The following JAG1 variants were observed in gnomAD, a reference collection of about 807,000 sequenced individuals.
JAG1 encodes jagged canonical Notch ligand 1, also known as protein jagged-1.
A neutral mutation model predicts 148.7 loss-of-function variants in JAG1; 23 were observed. The observed-to-expected ratio is 0.15, with a 90% CI of 0.11 to 0.22. JAG1 has a LOEUF of 0.22. Ranked by LOEUF, JAG1 falls within the 10% of genes least tolerant of loss-of-function variation. The probability of loss-of-function intolerance (pLI) is 1.00; values close to 1 mark genes in which losing one functional copy is unlikely to be tolerated. For missense variants in JAG1, 1,054 were observed against 1,611.2 expected, an observed-to-expected ratio of 0.65 and a Z score of 5.92; for synonymous variants, 572 against 598.3, an observed-to-expected ratio of 0.96 and a Z score of 0.64.
In JAG1 at chr20:10,673,724, A is replaced by T. The variant is rs2067515526; in HGVS notation, c.-194T>A. 1 of 257,770 alleles carries T rather than the reference A, an allele frequency of 3.9e-6. No individual in the cohort carries two copies. The highest frequency in any genetic ancestry group is 1.7e-4 in the South Asian group (1 of 5,802). The allele number at this position is 257,770 out of a possible 1,614,324, so 16.0% of individuals were successfully genotyped here. Reference sequence around the variant, plus strand: ...CCTTTCAAGAGCGGCCCGTTCCAGAAGGCAAAGAGCCCGGCCTCCTTTTAT... The same window carrying T: ...CCTTTCAAGAGCGGCCCGTTCCAGATGGCAAAGAGCCCGGCCTCCTTTTAT... On this transcript the variant is annotated 5_prime_UTR_variant, in exon 1 of 26. Transcript: ENST00000254958. The surrounding 1 kb of genome is among the most constrained non-coding windows in gnomAD (Gnocchi z 4.7).
chr20:10,648,804 G>C (rs45498692), intron 11 of JAG1, 82 bp from the exon 12 acceptor site: 10 of 1,368,582 alleles, frequency 7.3e-6, no homozygotes, highest in Non-Finnish European at 1.0e-5. Context: ...GGTTTAGCAT[G>C]ACTGTTGCGG....
chr20:10,662,526 G>C (rs1309091352), intron 3 of JAG1: 1 of 152,422 alleles, frequency 6.6e-6, no homozygotes, highest in Non-Finnish European at 1.5e-5. Flanking sequence ...GGAGGGGAAA[G>C]AACACCATGT....
At chr20:10,671,679 A>C (rs2067495883) in intron 2 of JAG1, among the ~76,000 whole-genome samples, 1 of 152,044 alleles carries the variant, frequency 6.6e-6, no homozygotes, top group Admixed American at 6.5e-5. Flanking sequence ...GCAATGAGTC[A>C]TGCCTCCTGG....
chr20:10,664,034 T>A lies in JAG1; in HGVS notation c.388-20A>T. 6.2e-7 allele frequency: 1 copy of A among 1,610,960 alleles called. No individual in the cohort carries two copies. Among genetic ancestry groups the A allele is most frequent in the Admixed American group, 1.7e-5 (1 of 60,008 alleles). On this transcript the variant is annotated intron_variant, in intron 2 of 25. Coordinates refer to ENST00000254958, the MANE Select transcript of JAG1 (RefSeq NM_000214.3). The stretch of plus-strand genomic sequence containing the variant: ...GGACCTCTGCAAGACAAACAAACAA[T>A]TTAGCAATTCAGAAACAGGGTCGAC...
chr20:10,648,836 G>T, intron 11 of JAG1, 114 bp from the exon 12 acceptor site: 1 of 1,087,610 alleles, frequency 9.2e-7, no homozygotes, highest in Non-Finnish European at 1.4e-6. Context: ...CACTGAAATA[G>T]CCAAATGCTA....
intron 5 of JAG1, chr20:10,652,844 T>C: frequency 2.3e-6 from 1 of 425,562 alleles, no homozygotes; most frequent in Admixed American, 3.5e-5. Flanking sequence ...GGGGATGCCC[T>C]TCACAAAGCC....
chr20:10,639,625 G>A lies in JAG1; in HGVS notation c.3530C>T (p.Thr1177Met), dbSNP rs533237399. Residue 1177 changes from threonine to methionine, a missense_variant, in exon 26 of 26, where the codon ACG (threonine) becomes ATG (methionine). Thr to Met is a moderately conservative substitution (Grantham distance 81). This residue lies in a region of JAG1 where 177 missense variants were observed against 177.3 expected (regional missense o/e 1.00). Transcript: ENST00000254958. ...KARFAKQPAY[T>M]LVDREEKPPN... ...GGGCTTCTCTTCTCTGTCTACCAGC[G>A]TGTACGCCGGCTGCTTGGCAAACCG... 3.2e-5 allele frequency: 51 copies of A among 1,614,200 alleles called. No individual in the cohort carries two copies. In the East Asian group the frequency reaches 4.7e-4, roughly 15 times the overall value.
At chr20:10,668,908 G>T (rs1166580267) in intron 2 of JAG1, among the ~76,000 whole-genome samples, 1 of 152,072 alleles carries the variant, frequency 6.6e-6, no homozygotes, top group Non-Finnish European at 1.5e-5. Context: ...TTAAGTCCCT[G>T]TAGAATTACG....
At chr20:10,659,628 T>C (rs769969078) in intron 3 of JAG1, among the ~76,000 whole-genome samples, 81 of 134,674 alleles carry the variant, frequency 6.0e-4, no homozygotes, top group Admixed American at 1.7e-3. Flanking sequence ...AGCTCTTAAA[T>C]ACCAAGACCT....
intron 5 of JAG1, 194 bp from the exon 6 acceptor site, chr20:10,652,792 G>T (rs1240373990): frequency 3.8e-6 from 2 of 520,838 alleles, no homozygotes; most frequent in South Asian, 4.0e-5. Context: ...CCTCCCAGCC[G>T]ACTCCTGACA....
chr20:10,652,408 C>T, intron 6 of JAG1, 60 bp downstream of exon 6: 1 of 1,609,142 alleles, frequency 6.2e-7, no homozygotes, highest in Non-Finnish European at 8.5e-7. Context: ...AAATTAGAAA[C>T]CAAATTAGTG....
intron 2 of JAG1, among the ~76,000 whole-genome samples, chr20:10,665,515 CTT>C (rs2067447896): frequency 6.6e-6 from 1 of 152,216 alleles, no homozygotes; most frequent in African/African-American, 2.4e-5. Context: ...TTTACTGCCT[CTT>C]TAAGTTTCTT....
At chr20:10,647,644 G>T (rs144988176) in intron 13 of JAG1, among the ~76,000 whole-genome samples, 2 of 152,190 alleles carry the variant, frequency 1.3e-5, no homozygotes, top group African/African-American at 2.4e-5. Context: ...TCTGTCTGCC[G>T]TTGCAGGAAG....
At chr20:10,644,051 G>A (rs1273376192) in intron 19 of JAG1, among the ~76,000 whole-genome samples, 188 bp from the exon 20 acceptor site, 1 of 152,138 alleles carries the variant, frequency 6.6e-6, no homozygotes, top group Non-Finnish European at 1.5e-5. Flanking sequence ...GGTCTTGGTT[G>A]CAGCCCAGGC....
chr20:10,672,683 T>A lies in JAG1; in HGVS notation c.387+18A>T. 6.2e-7 allele frequency: 1 copy of A among 1,611,258 alleles called. No individual in the cohort carries two copies. Among genetic ancestry groups the A allele is most frequent in the Non-Finnish European group, 8.5e-7 (1 of 1,179,562 alleles). ...GGTGTGAGGCTCCGCCCGGCCTCCT[T>A]CCCGAGTAGTCACTCACCGGCCAGG... is the stretch of plus-strand genomic sequence containing the variant. On this transcript the variant is annotated intron_variant, in intron 2 of 25. Transcript: ENST00000254958.
intron 14 of JAG1, 23 bp from the exon 15 acceptor site, chr20:10,646,107 A>G: frequency 6.5e-7 from 1 of 1,542,022 alleles, no homozygotes; most frequent in African/African-American, 1.4e-5. Context: ...GTAAAGCAAA[A>G]AAAGAACTGA....
At position 10,641,909 on chromosome 20, in the gene JAG1, GGT is replaced by G. The variant is rs770264093; in HGVS notation, c.2573-19_2573-18del. The G allele has an allele frequency of 2.6e-6, 4 of 1,522,956 alleles. No homozygotes were observed. The highest frequency in any genetic ancestry group is 3.6e-6 in the Non-Finnish European group (4 of 1,096,744). 94.3% of individuals were successfully genotyped at this position (1,522,956 alleles called of 1,614,324 possible). ...TCCCTGAAACTGACAGGTGGAGACG[GGT>G]GAGCAGTTTATTTTTCTGTGAACCG... is the stretch of plus-strand genomic sequence containing the variant. On this transcript the variant is annotated intron_variant, in intron 21 of 25. Coordinates refer to ENST00000254958, the MANE Select transcript of JAG1 (RefSeq NM_000214.3).
At chr20:10,660,844 C>T (rs1314123605) in intron 3 of JAG1, among the ~76,000 whole-genome samples, 1 of 152,140 alleles carries the variant, frequency 6.6e-6, no homozygotes, top group African/African-American at 2.4e-5. Context: ...ATCACCATGC[C>T]TCCCTGCAAT....
At position 10,651,582 on chromosome 20, in the gene JAG1, T is replaced by C. The variant is rs762382192; in HGVS notation, c.1119A>G (p.Thr373=). The C allele has an allele frequency of 3.1e-6, 5 of 1,605,926 alleles. No homozygotes were observed. Among genetic ancestry groups the C allele is most frequent in the African/African-American group, 1.3e-5 (1 of 74,588 alleles). Residue 373 remains threonine, a splice_region_variant and synonymous_variant, in exon 8 of 26, where the codon ACA becomes ACG. Coordinates refer to ENST00000254958, the MANE Select transcript of JAG1 (RefSeq NM_000214.3). ...SPGWTGPTCS[T]NIDDCSPNNC... is the part of the protein sequence containing the mutation. ...ACACAGGCTGAAAATTGGACTTACT[T>C]GTAGAGCATGTGGGGCCGGTCCAGC...
Sources: allele counts gnomAD v4.1 joint callset (sites outside exome capture counted in the v4.1 genomes callset), GRCh38; gene constraint gnomAD v4.1.1; regional missense constraint gnomAD v4.1.1; non-coding constraint Gnocchi (gnomAD v3.1); transcripts MANE v1.5; gene names NCBI Gene and HGNC (gene_info 2026-07-23, HGNC 2026-07-21).